ARHGAP39: variants seen among roughly 807,000 people sequenced by gnomAD.
ARHGAP39 encodes the protein Rho GTPase activating protein 39, also known as rho GTPase-activating protein 39.
In ARHGAP39, 44 loss-of-function variants were observed where a neutral mutation model predicts 106.9. The observed-to-expected ratio is 0.41, with a 90% confidence interval of 0.32 to 0.53. ARHGAP39 has a LOEUF of 0.53. ARHGAP39 is among the 20% of genes least tolerant of loss of function. The pLI, the probability that ARHGAP39 is intolerant of heterozygous loss-of-function variation, is 0.21. For synonymous variants in ARHGAP39, 768 were observed against 693.2 expected (o/e 1.11, Z -1.69); for missense variants, 1,496 against 1,577.3 (o/e 0.95, Z 0.87).
Position 144,532,313 on chromosome 8 carries a change from T to TG in ARHGAP39, c.2971dup (p.His991ProfsTer181). Reference sequence around the variant, plus strand: ...GTGTGTGGGGGACTCACCAGGGACGTGGGGGTCTTCCAGGCCTGTGGGCAC... The same window carrying TG: ...GTGTGTGGGGGACTCACCAGGGACGTGGGGGGTCTTCCAGGCCTGTGGGCAC... On this transcript the variant is annotated frameshift_variant, in exon 10 of 12. Transcript: ENST00000377307. LOFTEE classifies it high-confidence loss of function. The TG allele has an allele frequency of 6.2e-7, 1 of 1,612,720 alleles. No homozygotes were observed. The highest frequency in any genetic ancestry group is 8.5e-7 in the Non-Finnish European group (1 of 1,179,698).
chr8:144,532,824 C>G (rs1816783093), intron 9 of ARHGAP39, among the ~76,000 whole-genome samples: 1 of 152,196 alleles, frequency 6.6e-6, no homozygotes, highest in African/African-American at 2.4e-5. Flanking sequence ...ATCTGAGGCT[C>G]CCACTCCAGG....
At chr8:144,533,574 A>G (rs1307799658) in intron 8 of ARHGAP39, among the ~76,000 whole-genome samples, 1 of 151,846 alleles carries the variant, frequency 6.6e-6, no homozygotes, top group Non-Finnish European at 1.5e-5. Context: ...ATCCCTGTGA[A>G]CTCCTGGCTC....
chr8:144,617,878 C>T (rs1286988988), intron 1 of ARHGAP39, among the ~76,000 whole-genome samples: 1 of 152,128 alleles, frequency 6.6e-6, no homozygotes, highest in Non-Finnish European at 1.5e-5. Context: ...ACCTCCCGGG[C>T]TCAAATGATG....
intron 1 of ARHGAP39, among the ~76,000 whole-genome samples, chr8:144,619,469 C>T (rs756162007): frequency 1.7e-4 from 26 of 150,740 alleles, no homozygotes; most frequent in Non-Finnish European, 3.1e-4. Context: ...CGCGTGAGCT[C>T]GTGTGTCCCT....
At chr8:144,592,273 C>A (rs947995081) in intron 2 of ARHGAP39, among the ~76,000 whole-genome samples, 1 of 147,454 alleles carries the variant, frequency 6.8e-6, no homozygotes, top group Non-Finnish European at 1.5e-5. Context: ...AACCTGAGGG[C>A]ACCTCCTGGG....
chr8:144,618,438 T>C (rs1010330459), intron 1 of ARHGAP39, among the ~76,000 whole-genome samples: 4 of 152,260 alleles, frequency 2.6e-5, no homozygotes, highest in African/African-American at 9.6e-5. Flanking sequence ...GGTAGTTTAA[T>C]AGGTGACGGG....
chr8:144,678,722 G>A (rs907664179), intron 1 of ARHGAP39, among the ~76,000 whole-genome samples: 1 of 152,196 alleles, frequency 6.6e-6, no homozygotes, highest in Non-Finnish European at 1.5e-5. Context: ...ACAAATCCTT[G>A]GCCATCCCCT....
At chr8:144,674,146 G>A (rs930379822) in intron 1 of ARHGAP39, among the ~76,000 whole-genome samples, 1 of 149,578 alleles carries the variant, frequency 6.7e-6, no homozygotes, top group Non-Finnish European at 1.5e-5. Context: ...GTGGTCGGGG[G>A]GAGTGTGTGT....
At position 144,647,491 on chromosome 8, in the gene ARHGAP39, C is replaced by T. The variant is rs982414294; in HGVS notation, c.-82+38195G>A. ...GAACATTCCCACAAGGAAAGGCTAT[C>T]GGCAGCCTGCAGCCGCCCACCCTGC... On this transcript the variant is annotated intron_variant, in intron 1 of 11. Transcript: ENST00000377307. The surrounding 1 kb of genome is among the most constrained non-coding windows in gnomAD (Gnocchi z 4.8). Among the ~76,000 whole-genome samples the T allele has an allele frequency of 6.6e-6, 1 of 152,228 alleles. No individual in the cohort carries two copies. The highest frequency in any genetic ancestry group is 2.1e-4 in the South Asian group (1 of 4,836).
chr8:144,557,604 A>G (rs1418396223), intron 3 of ARHGAP39, among the ~76,000 whole-genome samples: 1 of 135,830 alleles, frequency 7.4e-6, no homozygotes, highest in Non-Finnish European at 1.5e-5. Flanking sequence ...TAGTATTCAG[A>G]GGCAAAGGCT....
chr8:144,583,332 C>T (rs960552241), intron 2 of ARHGAP39, among the ~76,000 whole-genome samples: 2 of 152,246 alleles, frequency 1.3e-5, no homozygotes, highest in African/African-American at 4.8e-5. Context: ...TAACAGCCTT[C>T]ACCCAGATTC....
At chr8:144,562,031 GTTTCCATCGGACTT>G (rs1377920851) in intron 3 of ARHGAP39, among the ~76,000 whole-genome samples, 1 of 145,506 alleles carries the variant, frequency 6.9e-6, no homozygotes, top group African/African-American at 2.7e-5. Flanking sequence ...CACTCCAGTG[GTTTCCATCGGACTT>G]ACTCCAGTGG....
chr8:144,627,006 C>T (rs1300072123), intron 1 of ARHGAP39, among the ~76,000 whole-genome samples: 1 of 152,150 alleles, frequency 6.6e-6, no homozygotes, highest in Non-Finnish European at 1.5e-5. Flanking sequence ...GGGAGAGGAT[C>T]CCCCCGCAAA....
intron 3 of ARHGAP39, among the ~76,000 whole-genome samples, chr8:144,580,480 G>A (rs541673531): frequency 1.3e-5 from 2 of 152,310 alleles, no homozygotes; most frequent in African/African-American, 4.8e-5. Context: ...AGAGAGACAA[G>A]AAAGTGCTCA....
chr8:144,550,307 C>T (rs1037286778), intron 4 of ARHGAP39, among the ~76,000 whole-genome samples: 10 of 151,040 alleles, frequency 6.6e-5, no homozygotes, highest in African/African-American at 2.4e-4. Flanking sequence ...TAAAAAGAAC[C>T]CCAGGAATTT....
intron 3 of ARHGAP39, among the ~76,000 whole-genome samples, chr8:144,575,488 C>G (rs934859352): frequency 1.3e-5 from 2 of 148,330 alleles, no homozygotes; most frequent in Non-Finnish European, 2.9e-5. Context: ...TTGTTACAAA[C>G]TACGACACAA....
At chr8:144,567,815 G>A (rs1406107609) in intron 3 of ARHGAP39, among the ~76,000 whole-genome samples, 1 of 152,188 alleles carries the variant, frequency 6.6e-6, no homozygotes, top group Non-Finnish European at 1.5e-5. Context: ...GTGGACATGT[G>A]ACCCACGTGG....
chr8:144,547,274 G>A lies in ARHGAP39; in HGVS notation c.1812C>T (p.Ser604=). Residue 604 remains serine (S), a synonymous_variant, in exon 5 of 12, where the codon AGC becomes AGT. Coordinates refer to ENST00000377307, the MANE Select transcript of ARHGAP39 (RefSeq NM_025251.3). This position sits in a 1 kb window ranked among gnomAD's most constrained non-coding sequence, Gnocchi z 5.2. ...CCTGCTGGGCCAGCGCCTCGTCCTC[G>A]CTGAAGGCCCGCACCACCGGCCCGG... is the stretch of plus-strand genomic sequence containing the variant. The part of the protein sequence containing the change: ...PMPGPVVRAF[S]EDEALAQQEN... The A allele has an allele frequency of 1.9e-6, 3 of 1,612,366 alleles. No individual in the cohort carries two copies. Among genetic ancestry groups the A allele is most frequent in the Non-Finnish European group, 2.5e-6 (3 of 1,179,766 alleles).
chr8:144,623,996 C>T (rs1820872983), intron 1 of ARHGAP39, among the ~76,000 whole-genome samples: 2 of 152,336 alleles, frequency 1.3e-5, no homozygotes, highest in South Asian at 2.1e-4. Flanking sequence ...CAGCCTTGGG[C>T]GTCCCAGCTA....
Sources: gnomAD v4.1 joint callset for allele counts (sites outside exome capture counted in the v4.1 genomes callset) on GRCh38, gnomAD v4.1.1 for gene constraint, Gnocchi (gnomAD v3.1) non-coding constraint, MANE v1.5 for transcripts, NCBI Gene and HGNC (gene_info 2026-07-23, HGNC 2026-07-21) for gene names.